NR2C2: variants seen among roughly 807,000 people sequenced by gnomAD.
The protein encoded by NR2C2 is Nuclear hormone receptor TR4.
NR2C2 carries 6 observed loss-of-function variants against 62.9 expected under a neutral mutation model. The observed-to-expected ratio is 0.10, with a 90% confidence interval of 0.05 to 0.19. The LOEUF is 0.19. Among genes scored for constraint, NR2C2 ranks in the 10% least tolerant of loss-of-function variants. NR2C2 has a pLI of 1.00. For synonymous variants in NR2C2, 272 were observed against 273.8 expected, an observed-to-expected ratio of 0.99 and a Z score of 0.07; for missense variants, 479 against 762.7, an observed-to-expected ratio of 0.63 and a Z score of 4.38.
chr3:15,041,038 G>C (rs1177833016), intron 13 of NR2C2, among the ~76,000 whole-genome samples: 2 of 152,150 alleles, frequency 1.3e-5, no homozygotes, highest in African/African-American at 4.8e-5. Context: ...AGTCACTCCT[G>C]TCCAGTCAGG....
Position 14,967,243 on chromosome 3 carries a change from CTCT to C in NR2C2, c.-40+19345_-40+19347del, listed in dbSNP as rs762842553. ...GTGATTCTAGTAATTTGAGTCTGCC[CTCT>C]TCTTCTTGGTCAATCTAGCTGAAGG... On this transcript the variant is annotated intron_variant, in intron 1 of 13. Transcript: ENST00000425241. Among the ~76,000 whole-genome samples, 9 of 151,868 alleles carry C rather than the reference CTCT, an allele frequency of 5.9e-5. No individual in the cohort carries two copies. In the South Asian group the frequency reaches 6.2e-4, roughly 11 times the overall value.
intron 1 of NR2C2, among the ~76,000 whole-genome samples, chr3:15,003,083 T>C (rs558941339): frequency 6.6e-6 from 1 of 151,676 alleles, no homozygotes; most frequent in South Asian, 2.1e-4. Context: ...GTAGCTGGGA[T>C]TACAGGTGCG....
chr3:15,022,812 G>A (rs576311144), intron 5 of NR2C2, among the ~76,000 whole-genome samples: 2 of 152,308 alleles, frequency 1.3e-5, no homozygotes, highest in Admixed American at 6.5e-5. Flanking sequence ...GTTTGCTTGA[G>A]CCCAGGATGA....
At chr3:15,010,252 A>G (rs1313339158) in intron 2 of NR2C2, among the ~76,000 whole-genome samples, 1 of 152,096 alleles carries the variant, frequency 6.6e-6, no homozygotes, top group Non-Finnish European at 1.5e-5. Flanking sequence ...TTGTGTTCCA[A>G]TAGGGTATTT....
intron 1 of NR2C2, among the ~76,000 whole-genome samples, chr3:14,964,670 A>G (rs1574933939): frequency 1.4e-5 from 2 of 148,054 alleles, no homozygotes; most frequent in Non-Finnish European, 3.0e-5. Context: ...GCCCGCCACC[A>G]CACCCGGCTA....
At chr3:14,980,385 A>G (rs1385834822) in intron 1 of NR2C2, among the ~76,000 whole-genome samples, 1 of 151,966 alleles carries the variant, frequency 6.6e-6, no homozygotes, top group African/African-American at 2.4e-5. Context: ...CTGCTCTCAA[A>G]CTCCTGGCCT....
chr3:15,039,970 G>A (rs993646200), intron 13 of NR2C2, among the ~76,000 whole-genome samples: 3 of 151,860 alleles, frequency 2.0e-5, no homozygotes, highest in African/African-American at 7.3e-5. Context: ...CCAAGATGGT[G>A]AAACCCCGTC....
At chr3:15,026,559 C>T (rs2125042687) in intron 7 of NR2C2, 1 of 152,288 alleles carries the variant, frequency 6.6e-6, no homozygotes, top group Admixed American at 6.5e-5. Flanking sequence ...GTTTTGTCAA[C>T]TCTGTACATT....
chr3:14,962,795 C>T (rs1217482462), intron 1 of NR2C2, among the ~76,000 whole-genome samples: 1 of 151,452 alleles, frequency 6.6e-6, no homozygotes, highest in Non-Finnish European at 1.5e-5. Flanking sequence ...CTCCAAATCT[C>T]TTAGTTTCTC....
intron 1 of NR2C2, among the ~76,000 whole-genome samples, chr3:14,979,603 A>G (rs76463280): frequency 0.036 from 5,501 of 152,218 alleles, 355 homozygotes; most frequent in African/African-American, 0.12. Flanking sequence ...ACCTGAATGA[A>G]GTGAGAGAAT....
At chr3:15,002,238 T>G (rs2041026006) in intron 1 of NR2C2, among the ~76,000 whole-genome samples, 1 of 152,210 alleles carries the variant, frequency 6.6e-6, no homozygotes, top group South Asian at 2.1e-4. Context: ...TTTATCAGAT[T>G]GAGAACTTTC....
intron 1 of NR2C2, among the ~76,000 whole-genome samples, chr3:14,964,406 A>G (rs570763024): frequency 1.3e-5 from 2 of 152,384 alleles, no homozygotes; most frequent in Admixed American, 6.5e-5. Flanking sequence ...CTATGCAGTC[A>G]ATCACAAGTA....
chr3:15,018,349 CTG>C (rs1384398652), intron 4 of NR2C2, among the ~76,000 whole-genome samples: 5 of 152,176 alleles, frequency 3.3e-5, no homozygotes, highest in African/African-American at 1.2e-4. Context: ...ACCATGCAAA[CTG>C]TACACCTGAC....
intron 1 of NR2C2, among the ~76,000 whole-genome samples, chr3:14,958,865 A>G (rs2039604509): frequency 6.6e-6 from 1 of 152,218 alleles, no homozygotes; most frequent in Non-Finnish European, 1.5e-5. Flanking sequence ...AATCCCAGCT[A>G]CTGGGGAGGC....
At chr3:15,033,665 A>C (rs867362118) in intron 10 of NR2C2, among the ~76,000 whole-genome samples, 1 of 53,998 alleles carries the variant, frequency 1.9e-5, no homozygotes, top group Non-Finnish European at 4.6e-5. Context: ...TTTTTTTTTT[A>C]AATAACACCA....
intron 1 of NR2C2, among the ~76,000 whole-genome samples, chr3:14,986,548 A>G (rs1401137540): frequency 6.6e-6 from 1 of 152,208 alleles, no homozygotes; most frequent in African/African-American, 2.4e-5. Context: ...TGTTGTGCCA[A>G]AATGATTTCT....
intron 1 of NR2C2, among the ~76,000 whole-genome samples, chr3:15,001,332 T>G (rs1163124458): frequency 6.8e-6 from 1 of 147,860 alleles, no homozygotes; most frequent in Non-Finnish European, 1.5e-5. Context: ...TTTTTTTTTT[T>G]TTTTTTGGTT....
intron 1 of NR2C2, among the ~76,000 whole-genome samples, chr3:14,955,587 T>G (rs1049311687): frequency 6.6e-6 from 1 of 152,156 alleles, no homozygotes; most frequent in Non-Finnish European, 1.5e-5. Context: ...TTGAAACGAG[T>G]TACAAGTGCT....
rs756083526 is a variant in NR2C2, at chr3:15,016,232, G to A, written c.354G>A (p.Val118=). The A allele has an allele frequency of 6.2e-7, 1 of 1,613,876 alleles. No homozygotes were observed. The highest frequency in any genetic ancestry group is 1.1e-5 in the South Asian group (1 of 91,060). The change falls in exon 4 of 14, where the codon GTG becomes GTA. Residue 118 remains valine (V), a synonymous_variant. Coordinates refer to ENST00000425241, the MANE Select transcript of NR2C2 (RefSeq NM_001291694.2). The part of the protein sequence containing the change: ...VQRPQVVEYC[V]VCGDKASGRH... ...GGCCCCAGGTGGTAGAGTACTGTGT[G>A]GTCTGTGGCGACAAAGCCTCCGGTA...
Sources: gnomAD v4.1 joint callset for allele counts (sites outside exome capture counted in the v4.1 genomes callset) on GRCh38, gnomAD v4.1.1 for gene constraint, MANE v1.5 for transcripts, NCBI Gene and HGNC (gene_info 2026-07-23, HGNC 2026-07-21) for gene names.